FRMD3: variants seen among roughly 807,000 people sequenced by gnomAD.
The protein encoded by FRMD3 is FERM domain containing 3.
A neutral mutation model predicts 70.2 loss-of-function variants in FRMD3; 33 were observed. The observed-to-expected ratio is 0.47, with a 90% confidence interval of 0.36 to 0.63. The LOEUF (loss-of-function observed/expected upper bound fraction) is 0.63. FRMD3 is among the 20% of genes least tolerant of loss of function. The probability of loss-of-function intolerance (pLI) is 0.00; values close to 1 mark genes in which losing one functional copy is unlikely to be tolerated. For missense variants in FRMD3, 632 were observed against 711.4 expected (o/e 0.89, Z 1.27); for synonymous variants, 279 against 255.9 (o/e 1.09, Z -0.86).
At position 83,383,816 on chromosome 9, in the gene FRMD3, A is replaced by C. The variant is rs568325602; in HGVS notation, c.252+5788T>G. Among the ~76,000 whole-genome samples, 4 of 152,246 alleles carry C rather than the reference A, an allele frequency of 2.6e-5. No individual in the cohort carries two copies. The South Asian group carries it at 8.3e-4, about 32-fold the overall frequency. On this transcript the variant is annotated intron_variant, in intron 2 of 13. Transcript: ENST00000304195. ...TGTTTGCCCCTCCCCTTCCACTATAATGTGCACATCTCCGTTGGCTAAGTG... is the reference window on the plus strand; with the variant it reads ...TGTTTGCCCCTCCCCTTCCACTATACTGTGCACATCTCCGTTGGCTAAGTG...
At chr9:83,514,698 T>A (rs1396404103) in intron 1 of FRMD3, among the ~76,000 whole-genome samples, 7 of 152,104 alleles carry the variant, frequency 4.6e-5, no homozygotes, top group Non-Finnish European at 1.5e-5. Flanking sequence ...TTGACAGACA[T>A]CCCATACAGG....
At chr9:83,310,368 C>G in intron 9 of FRMD3, 117 bp downstream of exon 9, 1 of 818,042 alleles carries the variant, frequency 1.2e-6, no homozygotes, top group East Asian at 2.6e-5. Flanking sequence ...CTTTCATTAT[C>G]ACCATACACT....
chr9:83,472,715 G>A (rs188119833), intron 1 of FRMD3, among the ~76,000 whole-genome samples: 8 of 152,210 alleles, frequency 5.3e-5, no homozygotes, highest in Admixed American at 5.2e-4. Context: ...TGTGTGAATG[G>A]ATCAATTTTT....
At chr9:83,436,781 GAAA>G (rs200464485) in intron 1 of FRMD3, among the ~76,000 whole-genome samples, 39,890 of 132,040 alleles carry the variant, frequency 0.3, 5,609 homozygotes, top group Non-Finnish European at 0.34. Flanking sequence ...GGACCAAGGG[GAAA>G]AAAAAAAAAA....
At chr9:83,433,058 G>T (rs546578130) in intron 1 of FRMD3, among the ~76,000 whole-genome samples, 143 of 152,256 alleles carry the variant, frequency 9.4e-4, no homozygotes, top group African/African-American at 3.3e-3. Context: ...TGCCAAAAAA[G>T]ACATCATTTT....
chr9:83,374,938 G>A (rs1418941384), intron 2 of FRMD3, among the ~76,000 whole-genome samples: 1 of 152,222 alleles, frequency 6.6e-6, no homozygotes, highest in East Asian at 1.9e-4. Flanking sequence ...TTGTTTTGCA[G>A]AGGAGAATCA....
At position 83,523,201 on chromosome 9, in the gene FRMD3, C is replaced by T. The variant is rs919949673; in HGVS notation, c.147+14884G>A. ...ATGGATGGATGGATGGATGGACGGA[C>T]GGACGGATGGATAGATTTACGGATG... On this transcript the variant is annotated intron_variant, in intron 1 of 13. Coordinates refer to ENST00000304195, the MANE Select transcript of FRMD3 (RefSeq NM_174938.6). Among the ~76,000 whole-genome samples, 13 of 150,020 alleles carry T rather than the reference C, an allele frequency of 8.7e-5. No homozygotes were observed. The East Asian group carries it at 1.2e-3, about 13-fold the overall frequency.
At chr9:83,423,637 C>T in intron 1 of FRMD3, among the ~76,000 whole-genome samples, 1 of 119,074 alleles carries the variant, frequency 8.4e-6, no homozygotes, top group East Asian at 2.5e-4. Context: ...GCTTGCATCG[C>T]TCAGGCTGGA....
chr9:83,436,781 G>GAAAAA (rs200464485), intron 1 of FRMD3, among the ~76,000 whole-genome samples: 9 of 132,282 alleles, frequency 6.8e-5, no homozygotes, highest in Non-Finnish European at 9.7e-5. Flanking sequence ...GGACCAAGGG[G>GAAAAA]AAAAAAAAAA....
chr9:83,304,876 C>T (rs546052654), intron 10 of FRMD3, among the ~76,000 whole-genome samples: 103 of 152,240 alleles, frequency 6.8e-4, no homozygotes, highest in African/African-American at 2.4e-3. Context: ...TTGGAGATCC[C>T]CTGGGGTCTG....
chr9:83,560,360 A>G, the FRMD3 span, among the ~76,000 whole-genome samples: 841 of 152,246 alleles, frequency 5.5e-3, 5 homozygotes, highest in Non-Finnish European at 9.7e-3. Context: ...GTGCACTTCT[A>G]TTATAAGAAG....
At chr9:83,267,254 T>G in intron 13 of FRMD3, 1 of 1,508,894 alleles carries the variant, frequency 6.6e-7, no homozygotes, top group South Asian at 1.3e-5. Context: ...GAATCAAATG[T>G]CAGGTTCCTA....
At chr9:83,463,476 G>A (rs185475973) in intron 1 of FRMD3, among the ~76,000 whole-genome samples, 18 of 152,094 alleles carry the variant, frequency 1.2e-4, no homozygotes, top group African/African-American at 3.1e-4. Flanking sequence ...AGGGTGGAAA[G>A]CCCCTCACAA....
intron 1 of FRMD3, among the ~76,000 whole-genome samples, chr9:83,437,916 C>G (rs1453161284): frequency 6.6e-6 from 1 of 152,080 alleles, no homozygotes; most frequent in African/African-American, 2.4e-5. Context: ...GGGGGATCCT[C>G]AAGAGCACAA....
intron 1 of FRMD3, among the ~76,000 whole-genome samples, chr9:83,531,961 C>T (rs1210438021): frequency 6.6e-6 from 1 of 152,124 alleles, no homozygotes; most frequent in Non-Finnish European, 1.5e-5. Context: ...GGAGTTTAGG[C>T]TTAAAGTCAT....
intron 1 of FRMD3, among the ~76,000 whole-genome samples, chr9:83,452,320 T>A (rs1490141841): frequency 1.3e-5 from 2 of 152,212 alleles, no homozygotes; most frequent in African/African-American, 4.8e-5. Context: ...CAAGCCCATG[T>A]GTGAGGTGTG....
At chr9:83,309,983 C>T (rs190272246) in intron 9 of FRMD3, among the ~76,000 whole-genome samples, 16 of 152,202 alleles carry the variant, frequency 1.1e-4, no homozygotes, top group African/African-American at 2.6e-4. Flanking sequence ...CAAGAAAACC[C>T]GCAAATTTCT....
the FRMD3 span, among the ~76,000 whole-genome samples, chr9:83,560,268 C>T: frequency 3.3e-5 from 5 of 152,150 alleles, no homozygotes; most frequent in Non-Finnish European, 7.3e-5. Context: ...GCTTTGGCCA[C>T]CGGAATTTAA....
intron 1 of FRMD3, among the ~76,000 whole-genome samples, chr9:83,429,575 G>A (rs1354550393): frequency 1.3e-5 from 2 of 152,074 alleles, no homozygotes; most frequent in Non-Finnish European, 2.9e-5. Flanking sequence ...AAGGTCCCAC[G>A]TCCTTGCCAC....
Sources: allele counts gnomAD v4.1 joint callset (sites outside exome capture counted in the v4.1 genomes callset), GRCh38; gene constraint gnomAD v4.1.1; transcripts MANE v1.5; gene names NCBI Gene and HGNC (gene_info 2026-07-23, HGNC 2026-07-21).